ANK2: variants seen among roughly 807,000 people sequenced by gnomAD.
ANK2 encodes the protein ankyrin 2.
A neutral mutation model predicts 360.5 loss-of-function variants in ANK2; 83 were observed. The observed-to-expected ratio is 0.23, with a 90% CI of 0.19 to 0.28. The LOEUF (loss-of-function observed/expected upper bound fraction) is 0.28, where lower values mean the gene tolerates loss of function less well. Among genes scored for constraint, ANK2 ranks in the 10% least tolerant of loss-of-function variants. ANK2 has a pLI of 1.00. For missense variants in ANK2, 4,201 were observed against 4,795.7 expected, an observed-to-expected ratio of 0.88 and a Z score of 3.66; for synonymous variants, 1,740 against 1,759.5, an observed-to-expected ratio of 0.99 and a Z score of 0.28.
chr4:113,220,898 A>G (rs779395298), intron 4 of ANK2, among the ~76,000 whole-genome samples: 22 of 152,262 alleles, frequency 1.4e-4, no homozygotes, highest in Admixed American at 5.2e-4. Context: ...TGTTCTCAGC[A>G]CAATGCTGAT....
chr4:113,340,636 G>A (rs947869545), intron 32 of ANK2, among the ~76,000 whole-genome samples: 1 of 152,172 alleles, frequency 6.6e-6, no homozygotes, highest in Non-Finnish European at 1.5e-5. Context: ...GGTCGAGGCT[G>A]CAGTGAGCCG....
intron 1 of ANK2, among the ~76,000 whole-genome samples, chr4:113,163,085 TTTC>T (rs2097593638): frequency 6.6e-6 from 1 of 152,200 alleles, no homozygotes; most frequent in Non-Finnish European, 1.5e-5. Flanking sequence ...GGGAAGCAAT[TTTC>T]TTCTTATACA....
chr4:113,342,483 C>T (rs1008004130), intron 33 of ANK2, among the ~76,000 whole-genome samples: 12 of 152,196 alleles, frequency 7.9e-5, no homozygotes, highest in African/African-American at 2.4e-5. Context: ...GGTGGATCAT[C>T]TGAGGTCACC....
At position 113,336,704 on chromosome 4, in the gene ANK2, C is replaced by T; in HGVS notation, c.3719C>T (p.Pro1240Leu). 1 of 1,614,058 alleles carries T rather than the reference C, an allele frequency of 6.2e-7. No homozygotes were observed. Among genetic ancestry groups the T allele is most frequent in the Non-Finnish European group, 8.5e-7 (1 of 1,179,996 alleles). Residue 1240 changes from proline (P) to leucine (L), a missense_variant, in exon 31 of 46, where the codon CCC (proline) becomes CTC (leucine). Pro to Leu is a moderately conservative substitution (Grantham distance 98). Coordinates refer to ENST00000357077, the MANE Select transcript of ANK2 (RefSeq NM_001148.6). ...CCAATTACCATGACCATTCCTGTCC[C>T]CAAAGCTTCAAGTGATGTCATGTTG... ...HKPITMTIPVPKASSDVMLNG... is the reference protein window; with the variant it reads ...HKPITMTIPVLKASSDVMLNG...
upstream of ANK2, among the ~76,000 whole-genome samples, chr4:113,045,772 T>C (rs558345869): frequency 6.6e-6 from 1 of 152,330 alleles, no homozygotes; most frequent in East Asian, 1.9e-4. Context: ...TTTTCTCAAA[T>C]ATCTGTAAAA....
At chr4:112,822,321 G>A (rs1462813247) in intron 1 of ANK2, among the ~76,000 whole-genome samples, 2 of 150,840 alleles carry the variant, frequency 1.3e-5, no homozygotes, top group Non-Finnish European at 3.0e-5. Flanking sequence ...AGGAGACTGA[G>A]GCAGGAGAAT....
chr4:112,912,133 T>TACC (rs2087779214), intron 2 of ANK2, among the ~76,000 whole-genome samples: 1 of 149,758 alleles, frequency 6.7e-6, no homozygotes, highest in Non-Finnish European at 1.5e-5. Flanking sequence ...GCCAAGATCG[T>TACC]GCCACTGCAC....
At chr4:112,905,879 C>T (rs958442049) in intron 2 of ANK2, among the ~76,000 whole-genome samples, 4 of 152,120 alleles carry the variant, frequency 2.6e-5, no homozygotes, top group Admixed American at 6.5e-5. Context: ...CCAGGCTGGT[C>T]GTGAGCTCCT....
At chr4:113,096,171 C>G (rs1208256017) in intron 1 of ANK2, among the ~76,000 whole-genome samples, 1 of 152,154 alleles carries the variant, frequency 6.6e-6, no homozygotes, top group South Asian at 2.1e-4. Context: ...TGAAGGACAC[C>G]TTGTCACTGC....
chr4:113,142,063 C>A (rs185785659), intron 1 of ANK2, among the ~76,000 whole-genome samples: 14 of 152,258 alleles, frequency 9.2e-5, no homozygotes, highest in African/African-American at 2.6e-4. Flanking sequence ...GAGTAATTTG[C>A]CCTAATGACT....
intron 39 of ANK2, 144 bp from the exon 40 acceptor site, chr4:113,363,194 G>C: frequency 1.3e-6 from 1 of 776,654 alleles, no homozygotes; most frequent in Non-Finnish European, 2.1e-6. Flanking sequence ...AGGCATATAA[G>C]AGTCACTTCT....
At chr4:112,826,287 A>G (rs2058389221) in intron 1 of ANK2, 3 of 579,998 alleles carry the variant, frequency 5.2e-6, no homozygotes, top group Non-Finnish European at 8.7e-6. Flanking sequence ...ATAAATTTCT[A>G]TAGAGTTGTG....
intron 45 of ANK2, among the ~76,000 whole-genome samples, chr4:113,378,794 G>A (rs1380760347): frequency 2.6e-5 from 4 of 152,146 alleles, no homozygotes; most frequent in Non-Finnish European, 4.4e-5. Flanking sequence ...AGGCACACTG[G>A]TCTGCCCAGG....
intron 1 of ANK2, among the ~76,000 whole-genome samples, chr4:112,883,263 G>A (rs995239582): frequency 1.9e-4 from 29 of 151,394 alleles, no homozygotes; most frequent in African/African-American, 7.0e-4. Flanking sequence ...GGTCTCGAAC[G>A]CCTGACCTCA....
At chr4:112,907,799 T>C (rs777600759) in intron 2 of ANK2, among the ~76,000 whole-genome samples, 1 of 152,216 alleles carries the variant, frequency 6.6e-6, no homozygotes, top group Non-Finnish European at 1.5e-5. Context: ...CACTGCTAAA[T>C]ATATTACAAA....
intron 23 of ANK2, among the ~76,000 whole-genome samples, chr4:113,307,413 T>A (rs1387134691): frequency 3.7e-4 from 2 of 5,424 alleles, no homozygotes; most frequent in Admixed American, 1.7e-3. Flanking sequence ...CCATTCCACC[T>A]TTTTTTTTTT....
At chr4:113,069,297 C>T (rs2076716459) in intron 1 of ANK2, among the ~76,000 whole-genome samples, 1 of 152,142 alleles carries the variant, frequency 6.6e-6, no homozygotes. Context: ...ACAGCTTTGC[C>T]ACCTGGAGAG....
chr4:112,973,023 A>T (rs2040119098), intron 2 of ANK2, among the ~76,000 whole-genome samples: 3 of 152,076 alleles, frequency 2.0e-5, no homozygotes. Flanking sequence ...TTGAGGGGTA[A>T]GGCTGGGAGG....
At chr4:112,987,617 G>T (rs1321500253) in intron 2 of ANK2, among the ~76,000 whole-genome samples, 2 of 151,956 alleles carry the variant, frequency 1.3e-5, no homozygotes, top group Non-Finnish European at 2.9e-5. Context: ...CCACCAACAG[G>T]ATTACTTGGC....
Sources: allele counts gnomAD v4.1 joint callset (sites outside exome capture counted in the v4.1 genomes callset), GRCh38; gene constraint gnomAD v4.1.1; transcripts MANE v1.5; gene names NCBI Gene and HGNC (gene_info 2026-07-23, HGNC 2026-07-21).